CACNA2D1: variants seen among roughly 807,000 people sequenced by gnomAD.
CACNA2D1 encodes the protein calcium voltage-gated channel auxiliary subunit alpha2delta 1, also known as voltage-dependent calcium channel subunit alpha-2/delta-1.
CACNA2D1 carries 53 observed loss-of-function variants against 171.5 expected under a neutral mutation model. That is an observed-to-expected ratio of 0.31 (90% CI 0.25 to 0.39). The LOEUF (loss-of-function observed/expected upper bound fraction) is 0.39. Among genes scored for constraint, CACNA2D1 ranks in the 10% least tolerant of loss-of-function variants. The probability of loss-of-function intolerance (pLI) is 1.00; values close to 1 mark genes in which losing one functional copy is unlikely to be tolerated. For synonymous variants in CACNA2D1, 442 were observed against 443.1 expected (o/e 1.00, Z 0.03); for missense variants, 903 against 1,299.8 (o/e 0.69, Z 4.69).
chr7:82,113,096 G>C (rs1389822242), intron 6 of CACNA2D1, among the ~76,000 whole-genome samples: 1 of 151,988 alleles, frequency 6.6e-6, no homozygotes, highest in East Asian at 1.9e-4. Flanking sequence ...TTAAATTATA[G>C]GGTAAGTATA....
At chr7:82,433,917 A>G (rs1376088756) in intron 1 of CACNA2D1, among the ~76,000 whole-genome samples, 1 of 152,220 alleles carries the variant, frequency 6.6e-6, no homozygotes, top group Non-Finnish European at 1.5e-5. Flanking sequence ...TCCTGGTCAC[A>G]ATTAAATGGA....
intron 3 of CACNA2D1, among the ~76,000 whole-genome samples, chr7:82,258,572 G>A (rs1233895748): frequency 1.3e-5 from 2 of 152,050 alleles, no homozygotes; most frequent in East Asian, 3.9e-4. Flanking sequence ...GAATTTCCTA[G>A]CTTAAAACCT....
intron 3 of CACNA2D1, among the ~76,000 whole-genome samples, chr7:82,310,001 A>C (rs1046744017): frequency 1.3e-5 from 2 of 152,200 alleles, no homozygotes; most frequent in African/African-American, 4.8e-5. Context: ...TAAGTTAAAA[A>C]TACTATAACA....
At chr7:82,266,630 C>T (rs1361946110) in intron 3 of CACNA2D1, among the ~76,000 whole-genome samples, 1 of 152,058 alleles carries the variant, frequency 6.6e-6, no homozygotes, top group Non-Finnish European at 1.5e-5. Flanking sequence ...TATTCTCCTG[C>T]CTCAGCCTCC....
At chr7:82,323,569 C>T (rs1816268650) in intron 3 of CACNA2D1, among the ~76,000 whole-genome samples, 1 of 152,162 alleles carries the variant, frequency 6.6e-6, no homozygotes, top group South Asian at 2.1e-4. Context: ...TGTTTGGTTT[C>T]ATTCTCTGAT....
intron 1 of CACNA2D1, among the ~76,000 whole-genome samples, chr7:82,405,419 C>T (rs149528062): frequency 6.8e-4 from 104 of 152,258 alleles, no homozygotes; most frequent in Non-Finnish European, 1.9e-4. Context: ...TGGGATCACA[C>T]TTACAAATCT....
Position 81,953,711 on chromosome 7 carries a change from AT to A in CACNA2D1, c.3160-3204del, listed in dbSNP as rs745664342. ...TATGAGGTATTAACTTAAAGAAGTCATTGTCACTTAAACAGGAGTACTCCCC... is the reference window on the plus strand; with the variant it reads ...TATGAGGTATTAACTTAAAGAAGTCATGTCACTTAAACAGGAGTACTCCCC... On this transcript the variant is annotated intron_variant, in intron 38 of 38. Transcript: ENST00000356860. Among the ~76,000 whole-genome samples, 12 of 152,278 alleles carry A rather than the reference AT, an allele frequency of 7.9e-5. 1 individual carries two copies. Among genetic ancestry groups the A allele is most frequent in the Admixed American group, 6.5e-4 (10 of 15,288 alleles).
chr7:82,071,967 T>C (rs1808365003), intron 7 of CACNA2D1, among the ~76,000 whole-genome samples: 1 of 152,192 alleles, frequency 6.6e-6, no homozygotes, highest in Non-Finnish European at 1.5e-5. Flanking sequence ...GAATGGCAGA[T>C]AGCTGAAACC....
At chr7:82,416,693 C>A (rs1357158682) in intron 1 of CACNA2D1, among the ~76,000 whole-genome samples, 1 of 152,046 alleles carries the variant, frequency 6.6e-6, no homozygotes, top group Admixed American at 6.6e-5. Context: ...AATTAAGGGC[C>A]CACCCTACTC....
chr7:82,329,612 T>C (rs757418074), intron 3 of CACNA2D1, among the ~76,000 whole-genome samples: 2 of 152,174 alleles, frequency 1.3e-5, no homozygotes, highest in African/African-American at 4.8e-5. Context: ...TATTTCAGCC[T>C]AGTTCAAGCT....
chr7:82,298,888 C>T (rs549066461), intron 3 of CACNA2D1, among the ~76,000 whole-genome samples: 45 of 151,938 alleles, frequency 3.0e-4, no homozygotes, highest in African/African-American at 9.6e-4. Flanking sequence ...TATGGTGAAA[C>T]CCCGTCTCTA....
chr7:82,252,873 G>C lies in CACNA2D1; in HGVS notation c.294+82262C>G, dbSNP rs185336692. ...CCACTGCACTCCAGCCTGGGTGACA[G>C]AGTGAGAATTCGTCAGAAAAAAAAA... On this transcript the variant is annotated intron_variant, in intron 3 of 38. Coordinates refer to ENST00000356860, the MANE Select transcript of CACNA2D1 (RefSeq NM_000722.4). 1.1e-4 allele frequency among the ~76,000 whole-genome samples: 17 copies of C among 151,946 alleles called. No individual in the cohort carries two copies. The East Asian group carries it at 3.3e-3, about 29-fold the overall frequency.
chr7:81,968,982 A>AAAT lies in CACNA2D1; in HGVS notation c.2309-10_2309-9insATT. The AAAT allele has an allele frequency of 6.9e-7, 1 of 1,444,338 alleles. No individual in the cohort carries two copies. 89.5% of individuals were successfully genotyped at this position (1,444,338 alleles called of 1,614,324 possible). A position where few individuals can be genotyped will look rare whatever the true frequency, so the allele number is the denominator to read the frequency against. ...GGCACCAGGTCCACTTTCTAAAAAA[A>AAAT]AAATAAATAAATAAAACACCTATCA... On this transcript the variant is annotated splice_polypyrimidine_tract_variant and intron_variant, in intron 28 of 38. Coordinates refer to ENST00000356860, the MANE Select transcript of CACNA2D1 (RefSeq NM_000722.4).
intron 10 of CACNA2D1, among the ~76,000 whole-genome samples, chr7:82,040,085 G>GA (rs1562908647): frequency 6.6e-6 from 1 of 152,166 alleles, no homozygotes; most frequent in African/African-American, 2.4e-5. Context: ...AGAGTAATCA[G>GA]AAGGCTTTGC....
rs545706689 is a variant in CACNA2D1 at position 82,286,640 on chromosome 7, GACGTAGCA to G, written c.294+48487_294+48494del. ...TATTCTGAGGCAGACACTGATTATT[GACGTAGCA>G]AAGCCTGGTGGGAGAAGGCAGATTA... On this transcript the variant is annotated intron_variant, in intron 3 of 38. Coordinates refer to ENST00000356860, the MANE Select transcript of CACNA2D1 (RefSeq NM_000722.4). 7.9e-5 allele frequency among the ~76,000 whole-genome samples: 12 copies of G among 152,222 alleles called. No individual in the cohort carries two copies. The South Asian group carries it at 2.5e-3, about 32-fold the overall frequency.
At chr7:82,173,873 G>C (rs538134595) in intron 3 of CACNA2D1, among the ~76,000 whole-genome samples, 62 of 151,200 alleles carry the variant, frequency 4.1e-4, no homozygotes, top group Admixed American at 2.1e-3. Flanking sequence ...GTGAGATCCT[G>C]TCTCTAAAAA....
intron 3 of CACNA2D1, among the ~76,000 whole-genome samples, chr7:82,310,859 G>T (rs1445849822): frequency 2.0e-5 from 3 of 152,080 alleles, no homozygotes; most frequent in Admixed American, 6.6e-5. Flanking sequence ...TTAAACCTCT[G>T]ACATGTTTAA....
chr7:82,431,515 G>A lies in CACNA2D1; in HGVS notation c.95+11850C>T, dbSNP rs564293169. Among the ~76,000 whole-genome samples, 7 of 152,208 alleles carry A rather than the reference G, an allele frequency of 4.6e-5. No individual in the cohort carries two copies. The South Asian group carries it at 1.2e-3, about 27-fold the overall frequency. On this transcript the variant is annotated intron_variant, in intron 1 of 38. Coordinates refer to ENST00000356860, the MANE Select transcript of CACNA2D1 (RefSeq NM_000722.4). ...ACTCCTCTCTCTCAATCTTATTGCT[G>A]GAATATGCAGCCAGGCGAGATAATA...
chr7:82,204,308 G>T (rs529477228), intron 3 of CACNA2D1, among the ~76,000 whole-genome samples: 245 of 152,302 alleles, frequency 1.6e-3, no homozygotes, highest in Middle Eastern at 0.01. Context: ...TCTTAGCCTT[G>T]TGGTTAACTA....
Sources: gnomAD v4.1 joint callset for allele counts (sites outside exome capture counted in the v4.1 genomes callset) on GRCh38, gnomAD v4.1.1 for gene constraint, MANE v1.5 for transcripts, NCBI Gene and HGNC (gene_info 2026-07-23, HGNC 2026-07-21) for gene names.